The following AKAP6 variants were observed in gnomAD, a reference collection of about 807,000 sequenced individuals.
The protein encoded by AKAP6 is A-kinase anchoring protein 6, also known as A-kinase anchor protein 6.
Under a neutral mutation model 188.5 loss-of-function variants are expected in AKAP6, and 58 were observed. That is an observed-to-expected ratio of 0.31 (90% CI 0.25 to 0.38). The LOEUF is 0.38. Among genes scored for constraint, AKAP6 ranks in the 10% least tolerant of loss-of-function variants. The pLI is 1.00. For synonymous variants in AKAP6, 989 were observed against 998.6 expected (o/e 0.99, Z 0.18); for missense variants, 2,710 against 2,740.0 (o/e 0.99, Z 0.24).
chr14:32,782,495 A>G (rs2033283144), intron 12 of AKAP6, among the ~76,000 whole-genome samples: 2 of 152,194 alleles, frequency 1.3e-5, no homozygotes, highest in African/African-American at 4.8e-5. Context: ...ATCACCATCT[A>G]TGTAGAAACT....
At chr14:32,423,827 A>G (rs1287027774) in intron 1 of AKAP6, among the ~76,000 whole-genome samples, 1 of 152,168 alleles carries the variant, frequency 6.6e-6, no homozygotes, top group East Asian at 1.9e-4. Flanking sequence ...AAGTAGAAAC[A>G]TTGCATGAAA....
chr14:32,486,033 T>C (rs1322824734), intron 2 of AKAP6, among the ~76,000 whole-genome samples: 1 of 152,352 alleles, frequency 6.6e-6, no homozygotes, highest in South Asian at 2.1e-4. Flanking sequence ...GTTTTCTGCA[T>C]ATGGCTAGCC....
At chr14:32,640,109 A>AT (rs11380590) in intron 7 of AKAP6, among the ~76,000 whole-genome samples, 36,655 of 151,874 alleles carry the variant, frequency 0.24, 5,153 homozygotes, top group South Asian at 0.39. Context: ...AATATTCTTC[A>AT]TTTTTTTTAT....
chr14:32,573,893 G>C (rs1205884143), intron 4 of AKAP6, among the ~76,000 whole-genome samples: 2 of 152,116 alleles, frequency 1.3e-5, no homozygotes, highest in Admixed American at 1.3e-4. Flanking sequence ...CACTTTCTTG[G>C]TCTTTCTAAG....
At chr14:32,507,997 A>T (rs1039566405) in intron 2 of AKAP6, among the ~76,000 whole-genome samples, 1 of 152,214 alleles carries the variant, frequency 6.6e-6, no homozygotes, top group Non-Finnish European at 1.5e-5. Flanking sequence ...GAGTTCTGTC[A>T]CTAACTGGTC....
intron 7 of AKAP6, among the ~76,000 whole-genome samples, chr14:32,626,285 C>G (rs1887018821): frequency 6.6e-6 from 1 of 152,028 alleles, no homozygotes; most frequent in African/African-American, 2.4e-5. Context: ...CTACCCCAAC[C>G]CCAGTGGTCT....
intron 1 of AKAP6, among the ~76,000 whole-genome samples, chr14:32,422,281 CAGACCAACTGGCTATAA>C (rs1346388687): frequency 1.3e-5 from 2 of 152,164 alleles, no homozygotes; most frequent in African/African-American, 4.8e-5. Flanking sequence ...ATCCTCACTT[CAGACCAACTGGCTATAA>C]AGTTGAGAGT....
At chr14:32,468,391 C>A (rs1003362513) in intron 2 of AKAP6, among the ~76,000 whole-genome samples, 1 of 152,110 alleles carries the variant, frequency 6.6e-6, no homozygotes, top group Non-Finnish European at 1.5e-5. Context: ...AGACCAAAGT[C>A]CTGTGAGACA....
chr14:32,614,095 T>C (rs1256744296), intron 7 of AKAP6, among the ~76,000 whole-genome samples: 2 of 152,178 alleles, frequency 1.3e-5, no homozygotes, highest in Non-Finnish European at 2.9e-5. Flanking sequence ...AACTGTATAA[T>C]ACAGGACAAA....
chr14:32,441,616 A>G (rs1890579146), intron 2 of AKAP6, among the ~76,000 whole-genome samples: 1 of 152,180 alleles, frequency 6.6e-6, no homozygotes, highest in Middle Eastern at 3.4e-3. Context: ...ACTCTTGATT[A>G]AGATATAGAA....
chr14:32,389,423 AT>A (rs1555324419), intron 1 of AKAP6, among the ~76,000 whole-genome samples: 1 of 150,210 alleles, frequency 6.7e-6, no homozygotes, highest in Non-Finnish European at 1.5e-5. Context: ...TTTTAGTTGT[AT>A]TTTTGTTTTA....
chr14:32,739,894 G>A lies in AKAP6; in HGVS notation c.3372+4012G>A, dbSNP rs550163764. The stretch of plus-strand genomic sequence containing the variant: ...CTTTCTTTTGGATATATACCTAGCG[G>A]TGGGATTGTTGGATCATATGGTAGC... On this transcript the variant is annotated intron_variant, in intron 11 of 13. Transcript: ENST00000280979. Among the ~76,000 whole-genome samples, 3 of 152,148 alleles carry A rather than the reference G, an allele frequency of 2.0e-5. No individual in the cohort carries two copies. The South Asian group carries it at 6.2e-4, about 32-fold the overall frequency.
In AKAP6 at chr14:32,598,739, GCT is replaced by G. The variant is rs143442637; in HGVS notation, c.2470-668_2470-667del. Among the ~76,000 whole-genome samples, 232 of 152,208 alleles carry G rather than the reference GCT, an allele frequency of 1.5e-3. 1 individual carries two copies. The highest frequency in any genetic ancestry group is 5.5e-3 in the African/African-American group (228 of 41,542). ...TAGGGAAGGCACCCTGAAAGAAATG[GCT>G]CTGAGTTAGATTTCAACTATGACAG... On this transcript the variant is annotated intron_variant, in intron 5 of 13. Transcript: ENST00000280979.
chr14:32,527,806 T>G (rs1882208185), intron 2 of AKAP6, among the ~76,000 whole-genome samples: 1 of 152,210 alleles, frequency 6.6e-6, no homozygotes, highest in South Asian at 2.1e-4. Flanking sequence ...GGTTGTTTGT[T>G]TTCTTTTTGT....
intron 4 of AKAP6, among the ~76,000 whole-genome samples, chr14:32,574,676 A>G (rs1308594176): frequency 3.3e-5 from 5 of 152,124 alleles, no homozygotes; most frequent in South Asian, 4.1e-4. Flanking sequence ...TTCTGACTTA[A>G]TTTTCTCCCC....
At chr14:32,561,209 G>A (rs1382141960) in intron 4 of AKAP6, among the ~76,000 whole-genome samples, 2 of 152,082 alleles carry the variant, frequency 1.3e-5, no homozygotes, top group Non-Finnish European at 2.9e-5. Flanking sequence ...AAAGAGCAAA[G>A]GGGTCATTGT....
intron 4 of AKAP6, among the ~76,000 whole-genome samples, chr14:32,576,121 T>C (rs909364500): frequency 1.3e-5 from 2 of 152,192 alleles, no homozygotes; most frequent in African/African-American, 4.8e-5. Flanking sequence ...TTTACCTCTT[T>C]CCACTTCAGT....
intron 7 of AKAP6, among the ~76,000 whole-genome samples, chr14:32,624,499 C>A (rs1327105256): frequency 6.6e-6 from 1 of 151,942 alleles, no homozygotes; most frequent in Non-Finnish European, 1.5e-5. Flanking sequence ...GGCTACCTGG[C>A]AAGATGTATA....
intron 1 of AKAP6, among the ~76,000 whole-genome samples, chr14:32,419,003 A>T (rs1428512032): frequency 6.6e-6 from 1 of 152,200 alleles, no homozygotes; most frequent in Non-Finnish European, 1.5e-5. Context: ...ATACCAATTC[A>T]TCTTGAAGCA....
Sources: allele counts gnomAD v4.1 joint callset (sites outside exome capture counted in the v4.1 genomes callset), GRCh38; gene constraint gnomAD v4.1.1; transcripts MANE v1.5; gene names NCBI Gene and HGNC (gene_info 2026-07-23, HGNC 2026-07-21).